Variants in CCND3 observed in about 807,000 individuals in gnomAD.
CCND3 encodes the protein G1/S-specific cyclin-D3.
Under a neutral mutation model 28.7 loss-of-function variants are expected in CCND3, and 9 were observed. The ratio of observed to expected loss-of-function variants is 0.31; its 90% confidence interval spans 0.19 to 0.55. CCND3 has a LOEUF of 0.55. Among genes scored for constraint, CCND3 ranks in the 20% least tolerant of loss-of-function variants. The pLI is 0.93. For synonymous variants in CCND3, 164 were observed against 163.9 expected, an observed-to-expected ratio of 1.00 and a Z score of 0.00; for missense variants, 315 against 385.8, an observed-to-expected ratio of 0.82 and a Z score of 1.54.
chr6:41,940,228 T>G, intron 2 of CCND3, 142 bp downstream of exon 2: 1 of 731,612 alleles, frequency 1.4e-6, no homozygotes, highest in South Asian at 1.6e-5. Flanking sequence ...CATCGTTTGT[T>G]CCACCCCAAT....
intron 1 of CCND3, among the ~76,000 whole-genome samples, chr6:41,977,051 C>T (rs368399925): frequency 6.6e-6 from 1 of 152,134 alleles, no homozygotes; most frequent in Non-Finnish European, 1.5e-5. Flanking sequence ...TCCAAAAGCT[C>T]GCGTTTGTTG....
At position 42,009,620 on chromosome 6, in the gene CCND3, AAAAAC is replaced by A. The variant is rs61144625; in HGVS notation, c.-46+38876_-46+38880del. On this transcript the variant is annotated intron_variant, in intron 1 of 4. Coordinates refer to the CCND3 transcript ENST00000372988. ...AGACCGAAACTCCGTTTCAAAACAAAAAAACAAAACAAAACAAAACAAAAACACAC... is the reference window on the plus strand; with the variant it reads ...AGACCGAAACTCCGTTTCAAAACAAAAAAACAAAACAAAACAAAAACACAC... Among the ~76,000 whole-genome samples the A allele has an allele frequency of 8.9e-3, 1,346 of 150,508 alleles. 11 individuals are homozygous for A. Among genetic ancestry groups the A allele is most frequent in the Non-Finnish European group, 0.012 (803 of 67,788 alleles).
At chr6:41,970,844 GT>G (rs1762014619) in intron 1 of CCND3, among the ~76,000 whole-genome samples, 1 of 152,036 alleles carries the variant, frequency 6.6e-6, no homozygotes, top group African/African-American at 2.4e-5. Flanking sequence ...TTGGTTACCA[GT>G]TTTGTGTTCT....
intron 1 of CCND3, among the ~76,000 whole-genome samples, chr6:41,998,941 A>T (rs1432431955): frequency 6.6e-6 from 1 of 152,096 alleles, no homozygotes; most frequent in African/African-American, 2.4e-5. Context: ...GGCCTCCCCA[A>T]GTGCCGGGAT....
rs67939325 is a variant in CCND3 at position 41,990,660 on chromosome 6, A to ATTTTTTTTTTTTTTTTTTTTTTTTTTT, written c.-45-50102_-45-50076dup. On this transcript the variant is annotated intron_variant, in intron 1 of 4. Coordinates refer to the CCND3 transcript ENST00000372988. ...TAGTCCATGAATCTATAACCAACTG[A>ATTTTTTTTTTTTTTTTTTTTTTTTTTT]TTTTTTTTTTTTTTTTTTTTTTTTT... 1.6e-5 allele frequency among the ~76,000 whole-genome samples: 2 copies of ATTTTTTTTTTTTTTTTTTTTTTTTTTT among 121,276 alleles called. 1 individual carries two copies. 79.6% of individuals were successfully genotyped at this position (121,276 alleles called of 152,430 possible).
chr6:41,977,451 C>T (rs954994876), intron 1 of CCND3, among the ~76,000 whole-genome samples: 3 of 152,172 alleles, frequency 2.0e-5, no homozygotes, highest in African/African-American at 7.2e-5. Context: ...ACTACAACCT[C>T]CACCTCCCAG....
At chr6:42,019,872 C>T (rs1763647860) in intron 1 of CCND3, among the ~76,000 whole-genome samples, 1 of 152,082 alleles carries the variant, frequency 6.6e-6, no homozygotes, top group African/African-American at 2.4e-5. Flanking sequence ...AGAAGGAAAT[C>T]ACAAAATGTA....
At chr6:41,940,976 G>A (rs1196167668) in intron 1 of CCND3, 1 of 1,612,992 alleles carries the variant, frequency 6.2e-7, no homozygotes, top group Admixed American at 1.7e-5. Context: ...GGAGGCTCCT[G>A]CCGCTGCCTC....
At chr6:41,947,084 G>A (rs1179435398) in intron 1 of CCND3, among the ~76,000 whole-genome samples, 1 of 151,790 alleles carries the variant, frequency 6.6e-6, no homozygotes, top group Non-Finnish European at 1.5e-5. Flanking sequence ...AGCTGGGCAT[G>A]GTGGCGCATG....
intron 1 of CCND3, among the ~76,000 whole-genome samples, chr6:42,041,901 G>A (rs1338310205): frequency 1.3e-5 from 2 of 152,234 alleles, no homozygotes; most frequent in African/African-American, 4.8e-5. Flanking sequence ...GTCTGCATCT[G>A]TCTGAGGCCC....
intron 1 of CCND3, among the ~76,000 whole-genome samples, chr6:41,954,106 C>G (rs1194461214): frequency 6.7e-6 from 1 of 149,892 alleles, no homozygotes; most frequent in Non-Finnish European, 1.5e-5. Context: ...CAAAAATTAG[C>G]CCAGTGTGGT....
chr6:41,953,602 T>C (rs895567945), intron 1 of CCND3, among the ~76,000 whole-genome samples: 1 of 152,010 alleles, frequency 6.6e-6, no homozygotes, highest in African/African-American at 2.4e-5. Flanking sequence ...ACTCCCACCT[T>C]CACCACTCCA....
upstream of CCND3, among the ~76,000 whole-genome samples, chr6:41,942,417 C>T (rs1170056556): frequency 1.3e-5 from 2 of 152,178 alleles, no homozygotes; most frequent in Non-Finnish European, 2.9e-5. Context: ...TGCAGACTCT[C>T]AGGCCCACCC....
intron 1 of CCND3, among the ~76,000 whole-genome samples, chr6:41,975,342 T>C (rs9381104): frequency 0.72 from 108,923 of 151,970 alleles, 39,367 homozygotes; most frequent in African/African-American, 0.82. Context: ...GCTCTGTGGC[T>C]GCATGGGTGG....
Position 41,941,785 on chromosome 6 carries a change from G to GCCCGCCGCC in CCND3, c.-137_-136insGGCGGCGGG, listed in dbSNP as rs1554158033. ...CGGATCCCCAGCCCGCCCGCCGCCC[G>GCCCGCCGCC]CGCGCGCGCGCCGCTTCCCTGACAG... On this transcript the variant is annotated 5_prime_UTR_variant, in exon 1 of 5. Transcript: ENST00000372991. The surrounding 1 kb of genome is among the most constrained non-coding windows in gnomAD (Gnocchi z 6.1). 3 of 2,320 alleles carry GCCCGCCGCC rather than the reference G, an allele frequency of 1.3e-3. No individual in the cohort carries two copies. Among genetic ancestry groups the GCCCGCCGCC allele is most frequent in the Non-Finnish European group, 1.6e-3 (3 of 1,880 alleles). The allele number at this position is 2,320 out of a possible 1,614,324, so 0.1% of individuals were successfully genotyped here.
At chr6:41,960,100 A>G (rs1285909859) in intron 1 of CCND3, among the ~76,000 whole-genome samples, 1 of 152,226 alleles carries the variant, frequency 6.6e-6, no homozygotes, top group Non-Finnish European at 1.5e-5. Flanking sequence ...GAGTCCTGAA[A>G]CCATCACGGT....
intron 1 of CCND3, among the ~76,000 whole-genome samples, chr6:42,011,996 T>C (rs1335554674): frequency 6.6e-6 from 1 of 152,214 alleles, no homozygotes; most frequent in Non-Finnish European, 1.5e-5. Flanking sequence ...CAAACAGGGT[T>C]ACAGGCATTG....
chr6:41,987,683 A>G (rs563260204), intron 1 of CCND3, among the ~76,000 whole-genome samples: 41 of 150,336 alleles, frequency 2.7e-4, no homozygotes, highest in African/African-American at 9.5e-4. Flanking sequence ...TTTTTTTTTA[A>G]TAGAGAGGGG....
At chr6:41,968,430 A>G (rs62417389) in intron 1 of CCND3, among the ~76,000 whole-genome samples, 12,571 of 152,206 alleles carry the variant, frequency 0.083, 673 homozygotes, top group East Asian at 0.23. Flanking sequence ...AGATGCAGCT[A>G]AGAAGGATGC....
Sources: gnomAD v4.1 joint callset for allele counts (sites outside exome capture counted in the v4.1 genomes callset) on GRCh38, gnomAD v4.1.1 for gene constraint, Gnocchi (gnomAD v3.1) non-coding constraint, MANE v1.5 for transcripts, NCBI Gene and HGNC (gene_info 2026-07-23, HGNC 2026-07-21) for gene names.